HS3ST3B1: variants seen among roughly 807,000 people sequenced by gnomAD.
The protein encoded by HS3ST3B1 is heparan sulfate-glucosamine 3-sulfotransferase 3B1, also known as heparan sulfate glucosamine 3-O-sulfotransferase 3B1.
Under a neutral mutation model 21.3 loss-of-function variants are expected in HS3ST3B1, and 13 were observed. The observed-to-expected ratio is 0.61, with a 90% CI of 0.40 to 0.97. HS3ST3B1 has a LOEUF of 0.97. HS3ST3B1 is among the 50% of genes least tolerant of loss of function. The probability of loss-of-function intolerance (pLI) is 0.00; values close to 1 mark genes in which losing one functional copy is unlikely to be tolerated. For missense variants in HS3ST3B1, 459 were observed against 554.8 expected (o/e 0.83, Z 1.73); for synonymous variants, 234 against 254.8 (o/e 0.92, Z 0.78).
In HS3ST3B1 at chr17:14,337,332, A is replaced by ATTTTT. The variant is rs35942275; in HGVS notation, c.555-7687_555-7683dup. Among the ~76,000 whole-genome samples, 1,408 of 143,458 alleles carry ATTTTT rather than the reference A, an allele frequency of 9.8e-3. 21 individuals are homozygous for ATTTTT. Among genetic ancestry groups the ATTTTT allele is most frequent in the Middle Eastern group, 0.036 (10 of 276 alleles). 94.1% of individuals were successfully genotyped at this position (143,458 alleles called of 152,430 possible). On this transcript the variant is annotated intron_variant, in intron 1 of 1. Transcript: ENST00000360954. ...GCAACAAGTATCTTATCCTGATTGG[A>ATTTTT]TTTTTTTTTTTTTGAGATGGAGTCT...
chr17:14,334,376 A>G (rs1910126570), intron 1 of HS3ST3B1, among the ~76,000 whole-genome samples: 1 of 151,962 alleles, frequency 6.6e-6, no homozygotes, highest in South Asian at 2.1e-4. Flanking sequence ...TGGTCTCACT[A>G]TGTGGCTTAG....
chr17:14,341,902 A>C (rs1416650605), intron 1 of HS3ST3B1, among the ~76,000 whole-genome samples: 1 of 152,182 alleles, frequency 6.6e-6, no homozygotes, highest in African/African-American at 2.4e-5. Context: ...ACTCTCTTTA[A>C]TCCTCAATCA....
At chr17:14,317,915 C>CA (rs3837818) in intron 1 of HS3ST3B1, among the ~76,000 whole-genome samples, 32,153 of 152,002 alleles carry the variant, frequency 0.21, 5,131 homozygotes, top group African/African-American at 0.44. Flanking sequence ...ACAGAGAAAG[C>CA]AGAAAACACA....
intron 1 of HS3ST3B1, among the ~76,000 whole-genome samples, chr17:14,315,180 C>T (rs1909458165): frequency 6.6e-6 from 1 of 152,166 alleles, no homozygotes; most frequent in African/African-American, 2.4e-5. Context: ...CAGCAGAATA[C>T]CCAATGTGTA....
intron 1 of HS3ST3B1, among the ~76,000 whole-genome samples, chr17:14,309,586 T>G (rs1349714756): frequency 6.6e-6 from 1 of 152,210 alleles, no homozygotes; most frequent in Non-Finnish European, 1.5e-5. Flanking sequence ...TTGGCCTGGC[T>G]GTTGGCAGCT....
At chr17:14,329,585 G>T (rs1909941535) in intron 1 of HS3ST3B1, 1 of 149,920 alleles carries the variant, frequency 6.7e-6, no homozygotes, top group Non-Finnish European at 1.5e-5. Flanking sequence ...AGAAAAGAAA[G>T]AGCTTGTGTT....
intron 1 of HS3ST3B1, among the ~76,000 whole-genome samples, chr17:14,306,567 G>A (rs1004482171): frequency 6.6e-6 from 1 of 152,190 alleles, no homozygotes; most frequent in Non-Finnish European, 1.5e-5. Flanking sequence ...TGTAACTTCA[G>A]AAATCTCTCT....
In HS3ST3B1 at chr17:14,348,804, C is replaced by A. The variant is rs927911104; in HGVS notation, c.*3158C>A. 6 of 152,190 alleles carry A rather than the reference C, an allele frequency of 3.9e-5. No homozygotes were observed. Among genetic ancestry groups the A allele is most frequent in the Admixed American group, 3.9e-4 (6 of 15,290 alleles). The allele number at this position is 152,190 out of a possible 1,614,324, so 9.4% of individuals were successfully genotyped here. On this transcript the variant is annotated 3_prime_UTR_variant, in exon 2 of 2. Transcript: ENST00000360954. The stretch of plus-strand genomic sequence containing the variant: ...TTTTCTTGTTTCTATCTAGTTCATG[C>A]TTTCTTTGCGGTGTTTGAACAGTAG...
At chr17:14,320,312 G>C (rs1909619732) in intron 1 of HS3ST3B1, among the ~76,000 whole-genome samples, 1 of 152,160 alleles carries the variant, frequency 6.6e-6, no homozygotes, top group African/African-American at 2.4e-5. Context: ...GGTGACATGG[G>C]AGTGAAGTTT....
At position 14,301,718 on chromosome 17, in the gene HS3ST3B1, G is replaced by C. The variant is rs756467760; in HGVS notation, c.200G>C (p.Gly67Ala). Residue 67 changes from glycine (G) to alanine (A), a missense_variant, in exon 1 of 2, where the codon GGG (glycine) becomes GCG (alanine). By Grantham distance (60) the Gly-to-Ala change is moderately conservative. Transcript: ENST00000360954. ...CCGGGGCTGCTGCTCCTGGGCTCTG[G>C]GTCCCGCGCCGCACACGACCCGCCA... ...AAPGLLLLGS[G>A]SRAAHDPPAL... 8 of 1,602,870 alleles carry C rather than the reference G, an allele frequency of 5.0e-6. No individual in the cohort carries two copies. Among genetic ancestry groups the C allele is most frequent in the Non-Finnish European group, 1.7e-6 (2 of 1,176,516 alleles).
rs114320810 is a variant in HS3ST3B1 at position 14,339,952 on chromosome 17, G to A, written c.555-5076G>A. 7.0e-3 allele frequency among the ~76,000 whole-genome samples: 1,063 copies of A among 152,282 alleles called. 10 individuals carry two copies. The highest frequency in any genetic ancestry group is 0.024 in the African/African-American group (1,008 of 41,562). On this transcript the variant is annotated intron_variant, in intron 1 of 1. Transcript: ENST00000360954. ...TGCCCAGAGGAGGGGCAGAGGAAGA[G>A]GAAGGTGTGCCCAGTTAGTGAATGG...
intron 1 of HS3ST3B1, among the ~76,000 whole-genome samples, chr17:14,344,051 C>A (rs1410565910): frequency 6.6e-6 from 1 of 152,114 alleles, no homozygotes; most frequent in Admixed American, 6.5e-5. Flanking sequence ...CATGCACCAC[C>A]ACACCCAGTT....
In HS3ST3B1 at chr17:14,347,992, C is replaced by T. The variant is rs1347500009; in HGVS notation, c.*2346C>T. The T allele has an allele frequency of 2.0e-5, 3 of 152,158 alleles. No individual in the cohort carries two copies. The highest frequency in any genetic ancestry group is 4.4e-5 in the Non-Finnish European group (3 of 68,012). The allele number at this position is 152,158 out of a possible 1,614,324, so 9.4% of individuals were successfully genotyped here. A position where few individuals can be genotyped will look rare whatever the true frequency, so the allele number is the denominator to read the frequency against. ...AAATCAAACTGAGAACACCTCTTTTCGGTTTACAGCATAACATGGCTTGAA... is the reference window on the plus strand; with the variant it reads ...AAATCAAACTGAGAACACCTCTTTTTGGTTTACAGCATAACATGGCTTGAA... On this transcript the variant is annotated 3_prime_UTR_variant, in exon 2 of 2. Coordinates refer to ENST00000360954, the MANE Select transcript of HS3ST3B1 (RefSeq NM_006041.3).
At position 14,345,707 on chromosome 17, in the gene HS3ST3B1, G is replaced by A. The variant is rs1910549468; in HGVS notation, c.*61G>A. 2 of 1,535,482 alleles carry A rather than the reference G, an allele frequency of 1.3e-6. No homozygotes were observed. The highest frequency in any genetic ancestry group is 1.8e-6 in the Non-Finnish European group (2 of 1,141,248). Reference sequence around the variant, plus strand: ...ATCTATTGACAGAGATTATATGTATGTAAAATGTACAGAAATCTATTTTAT... The same window carrying A: ...ATCTATTGACAGAGATTATATGTATATAAAATGTACAGAAATCTATTTTAT... On this transcript the variant is annotated 3_prime_UTR_variant, in exon 2 of 2. Coordinates refer to ENST00000360954, the MANE Select transcript of HS3ST3B1 (RefSeq NM_006041.3).
chr17:14,318,170 T>C (rs1387679343), intron 1 of HS3ST3B1, among the ~76,000 whole-genome samples: 1 of 152,166 alleles, frequency 6.6e-6, no homozygotes, highest in Non-Finnish European at 1.5e-5. Flanking sequence ...AGAGCCATTC[T>C]TCTCCAACTC....
At chr17:14,302,129 G>T in intron 1 of HS3ST3B1, 57 bp downstream of exon 1, 1 of 1,517,996 alleles carries the variant, frequency 6.6e-7, no homozygotes, top group East Asian at 2.4e-5. Context: ...CTGAGCTAAG[G>T]GAGACATGGC....
rs987855603 is a variant in HS3ST3B1, at chr17:14,345,541, C to A, written c.1068C>A (p.Thr356=). The change falls in exon 2 of 2, where the codon ACC becomes ACA. Residue 356 remains threonine, a synonymous_variant. Transcript: ENST00000360954. The stretch of plus-strand genomic sequence containing the variant: ...GCCTGGGCAAGACCAAGGGCAGGAC[C>A]CATCCTGAGATCGACCGCGAGGTGG... ...PHCLGKTKGR[T]HPEIDREVVR... The A allele has an allele frequency of 3.1e-6, 5 of 1,600,716 alleles. No homozygotes were observed. In the African/African-American group the frequency reaches 5.4e-5, roughly 17 times the overall value.
At chr17:14,312,671 G>A (rs1406923548) in intron 1 of HS3ST3B1, among the ~76,000 whole-genome samples, 2 of 151,930 alleles carry the variant, frequency 1.3e-5, no homozygotes, top group East Asian at 3.9e-4. Context: ...ACCGAGGCCT[G>A]CTCCCATCCC....
Position 14,347,638 on chromosome 17 carries a change from G to A in HS3ST3B1, c.*1992G>A, listed in dbSNP as rs1312080240. On this transcript the variant is annotated 3_prime_UTR_variant, in exon 2 of 2. Transcript: ENST00000360954. ...TTAGAAACTGATCAGAGATGTCACT[G>A]GTCTTTAAGTGATGTCTTGAAAATC... 6.6e-6 allele frequency: 1 copy of A among 152,200 alleles called. No homozygotes were observed. Among genetic ancestry groups the A allele is most frequent in the Admixed American group, 6.5e-5 (1 of 15,274 alleles). 9.4% of individuals were successfully genotyped at this position (152,200 alleles called of 1,614,324 possible).
Sources: allele counts gnomAD v4.1 joint callset (sites outside exome capture counted in the v4.1 genomes callset), GRCh38; gene constraint gnomAD v4.1.1; transcripts MANE v1.5; gene names NCBI Gene and HGNC (gene_info 2026-07-23, HGNC 2026-07-21).